ARHGEF7: variants seen among roughly 807,000 people sequenced by gnomAD.
ARHGEF7 encodes PAK-interacting exchange factor beta.
Under a neutral mutation model 109.8 loss-of-function variants are expected in ARHGEF7, and 33 were observed. That is an observed-to-expected ratio of 0.30 (90% confidence interval 0.23 to 0.40). The LOEUF (loss-of-function observed/expected upper bound fraction) is 0.40, where lower values mean the gene tolerates loss of function less well. Ranked by LOEUF, ARHGEF7 falls within the 10% of genes least tolerant of loss-of-function variation. The pLI is 1.00. For synonymous variants in ARHGEF7, 458 were observed against 424.6 expected (o/e 1.08, Z -0.97); for missense variants, 938 against 1,098.5 (o/e 0.85, Z 2.07).
At chr13:111,188,144 G>A (rs922079230) in intron 2 of ARHGEF7, among the ~76,000 whole-genome samples, 8 of 152,234 alleles carry the variant, frequency 5.3e-5, no homozygotes, top group South Asian at 2.1e-4. Context: ...TCCGTTGTCC[G>A]TTCTCTGAGG....
intron 2 of ARHGEF7, among the ~76,000 whole-genome samples, chr13:111,175,693 C>G (rs1235387278): frequency 6.6e-6 from 1 of 152,204 alleles, no homozygotes; most frequent in Non-Finnish European, 1.5e-5. Flanking sequence ...GGAGGTGGGA[C>G]TGCCCACTTC....
chr13:111,165,617 G>C (rs569574795), intron 2 of ARHGEF7, among the ~76,000 whole-genome samples: 74 of 152,302 alleles, frequency 4.9e-4, no homozygotes, highest in Admixed American at 8.5e-4. Context: ...TAAAGCAACT[G>C]TGAATTTGGT....
At chr13:111,140,221 C>G (rs1027121499) in intron 1 of ARHGEF7, among the ~76,000 whole-genome samples, 3 of 152,212 alleles carry the variant, frequency 2.0e-5, no homozygotes, top group Non-Finnish European at 4.4e-5. Flanking sequence ...GTCATCCAAA[C>G]AGACCAAATA....
intron 5 of ARHGEF7, among the ~76,000 whole-genome samples, chr13:111,232,316 G>A (rs1482924935): frequency 6.6e-6 from 1 of 152,106 alleles, no homozygotes; most frequent in East Asian, 1.9e-4. Flanking sequence ...GACACTGTCT[G>A]TAGAACTGAT....
intron 1 of ARHGEF7, among the ~76,000 whole-genome samples, chr13:111,118,379 A>C (rs941646122): frequency 2.0e-5 from 3 of 152,206 alleles, no homozygotes; most frequent in Non-Finnish European, 4.4e-5. Flanking sequence ...AGACAGTGAG[A>C]AGATGGAATT....
chr13:111,234,860 G>A (rs553806733), intron 6 of ARHGEF7, among the ~76,000 whole-genome samples: 3 of 151,740 alleles, frequency 2.0e-5, no homozygotes, highest in African/African-American at 7.3e-5. Flanking sequence ...CCTGCTTTCT[G>A]TCATCTCTCC....
Position 111,275,406 on chromosome 13 carries a change from A to AT in ARHGEF7, c.1273-126_1273-125insT, listed in dbSNP as rs2092418490. 3 of 1,107,556 alleles carry AT rather than the reference A, an allele frequency of 2.7e-6. No individual in the cohort carries two copies. In the East Asian group the frequency reaches 7.4e-5, roughly 27 times the overall value. 68.6% of individuals were successfully genotyped at this position (1,107,556 alleles called of 1,614,324 possible). A position where few individuals can be genotyped will look rare whatever the true frequency, so the allele number is the denominator to read the frequency against. Reference sequence around the variant, plus strand: ...CTATAATTAAGCAAATCGCTCAATAAATTATCTGTCTGAAGAAGTAAGATA... The same window carrying AT: ...CTATAATTAAGCAAATCGCTCAATAATATTATCTGTCTGAAGAAGTAAGATA... On this transcript the variant is annotated intron_variant, in intron 11 of 21. Coordinates refer to ENST00000646102, the MANE Select transcript of ARHGEF7 (RefSeq NM_001354046.2).
chr13:111,155,086 C>G (rs2076209983), intron 2 of ARHGEF7, among the ~76,000 whole-genome samples: 1 of 151,886 alleles, frequency 6.6e-6, no homozygotes, highest in Non-Finnish European at 1.5e-5. Flanking sequence ...TGTATGAAAC[C>G]TAGAGATGAT....
chr13:111,147,859 G>C (rs533721758), intron 1 of ARHGEF7, among the ~76,000 whole-genome samples: 1 of 151,778 alleles, frequency 6.6e-6, no homozygotes, highest in African/African-American at 2.4e-5. Context: ...CACTACACCC[G>C]GCTAATTTTT....
In ARHGEF7 at chr13:111,301,471, G is replaced by T; in HGVS notation, c.2412-7G>T. 6.2e-7 allele frequency: 1 copy of T among 1,612,840 alleles called. No homozygotes were observed. The highest frequency in any genetic ancestry group is 8.5e-7 in the Non-Finnish European group (1 of 1,179,034). On this transcript the variant is annotated splice_region_variant and splice_polypyrimidine_tract_variant and intron_variant, in intron 20 of 21. Coordinates refer to ENST00000646102, the MANE Select transcript of ARHGEF7 (RefSeq NM_001354046.2). ...TTCATGTGTGTGTGTTCTGTTTCCT[G>T]TTTCAGGAGTCTTGTGGATACCGTA...
rs1279311898 is a variant in ARHGEF7, at chr13:111,277,519, T to C, written c.1420-68T>C. On this transcript the variant is annotated intron_variant, in intron 12 of 21. Coordinates refer to ENST00000646102, the MANE Select transcript of ARHGEF7 (RefSeq NM_001354046.2). Reference sequence around the variant, plus strand: ...TAGGGCCTAGTATAAATAAGTGAAGTATTTGTGCTCACATTTGTTAAGTAG... The same window carrying C: ...TAGGGCCTAGTATAAATAAGTGAAGCATTTGTGCTCACATTTGTTAAGTAG... 3.1e-6 allele frequency: 3 copies of C among 954,250 alleles called. No individual in the cohort carries two copies. In the African/African-American group the frequency reaches 4.9e-5, roughly 15 times the overall value. The allele number at this position is 954,250 out of a possible 1,614,324, so 59.1% of individuals were successfully genotyped here.
At chr13:111,288,306 C>A in intron 17 of ARHGEF7, 48 bp from the exon 18 acceptor site, 1 of 1,388,592 alleles carries the variant, frequency 7.2e-7, no homozygotes, top group Non-Finnish European at 1.0e-6. Flanking sequence ...GCCAGTTGCC[C>A]TAGAGGCCTT....
At chr13:111,173,077 T>C (rs1017144119) in intron 2 of ARHGEF7, among the ~76,000 whole-genome samples, 1 of 152,266 alleles carries the variant, frequency 6.6e-6, no homozygotes, top group African/African-American at 2.4e-5. Flanking sequence ...TATTAACGTG[T>C]TGCTGTATTT....
At chr13:111,224,914 A>G (rs1214138285) in intron 5 of ARHGEF7, among the ~76,000 whole-genome samples, 2 of 152,208 alleles carry the variant, frequency 1.3e-5, no homozygotes, top group Non-Finnish European at 2.9e-5. Flanking sequence ...TGGACCTCTC[A>G]GCACTATTGT....
At chr13:111,115,803 T>C (rs1371426544) in intron 1 of ARHGEF7, 112 bp downstream of exon 1, 11 of 524,286 alleles carry the variant, frequency 2.1e-5, no homozygotes, top group Non-Finnish European at 2.5e-5. Flanking sequence ...TGCGCCCTCC[T>C]TTGTGCGCGG....
In ARHGEF7 at chr13:111,234,882, A is replaced by G. The variant is rs150202654; in HGVS notation, c.759+1589A>G. On this transcript the variant is annotated intron_variant, in intron 6 of 21. Coordinates refer to ENST00000646102, the MANE Select transcript of ARHGEF7 (RefSeq NM_001354046.2). ...TCTGTCATCTCTCCTAGTGCTCTGC[A>G]TCGCCTTCATCCCTTGGCCTGTTGG... 7.8e-4 allele frequency among the ~76,000 whole-genome samples: 119 copies of G among 152,228 alleles called. 3 individuals are homozygous for G. The East Asian group carries it at 0.02, about 26-fold the overall frequency.
chr13:111,220,079 G>A (rs1179368531), intron 5 of ARHGEF7, among the ~76,000 whole-genome samples: 1 of 152,218 alleles, frequency 6.6e-6, no homozygotes, highest in Non-Finnish European at 1.5e-5. Flanking sequence ...CTAGGGCTAG[G>A]GCAGGCCCGG....
At position 111,272,880 on chromosome 13, in the gene ARHGEF7, G is replaced by C. The variant is rs149975836; in HGVS notation, c.1074-934G>C. Among the ~76,000 whole-genome samples the C allele has an allele frequency of 6.6e-6, 1 of 152,120 alleles. No individual in the cohort carries two copies. The highest frequency in any genetic ancestry group is 2.4e-5 in the African/African-American group (1 of 41,414). ...CAGGTGACTGTCAGCCTTAACAAAC[G>C]TGTGGGTGAAGAGCTGGACCCCCCA... is the stretch of plus-strand genomic sequence containing the variant. On this transcript the variant is annotated intron_variant, in intron 9 of 21. Coordinates refer to ENST00000646102, the MANE Select transcript of ARHGEF7 (RefSeq NM_001354046.2). This position sits in a 1 kb window ranked among gnomAD's most constrained non-coding sequence, Gnocchi z 5.2.
intron 4 of ARHGEF7, among the ~76,000 whole-genome samples, chr13:111,214,301 C>T (rs2082854819): frequency 2.0e-5 from 3 of 152,228 alleles, no homozygotes; most frequent in Admixed American, 2.0e-4. Flanking sequence ...CTGCCCTGGC[C>T]TCAGCCCTGG....
Sources: gnomAD v4.1 joint callset for allele counts (sites outside exome capture counted in the v4.1 genomes callset) on GRCh38, gnomAD v4.1.1 for gene constraint, Gnocchi (gnomAD v3.1) non-coding constraint, MANE v1.5 for transcripts, NCBI Gene and HGNC (gene_info 2026-07-23, HGNC 2026-07-21) for gene names.